Variants in SORBS2 observed in about 807,000 individuals in gnomAD.
SORBS2 encodes the protein sorbin and SH3 domain containing 2, also known as sorbin and SH3 domain-containing protein 2.
A neutral mutation model predicts 97.7 loss-of-function variants in SORBS2; 46 were observed. The observed-to-expected ratio is 0.47, with a 90% CI of 0.37 to 0.60. The LOEUF (loss-of-function observed/expected upper bound fraction) is 0.60, where lower values mean the gene tolerates loss of function less well. Ranked by LOEUF, SORBS2 falls within the 20% of genes least tolerant of loss-of-function variation. The probability of loss-of-function intolerance (pLI) is 0.00; values close to 1 mark genes in which losing one functional copy is unlikely to be tolerated. For synonymous variants in SORBS2, 476 were observed against 473.4 expected (o/e 1.01, Z -0.07); for missense variants, 1,316 against 1,282.3 (o/e 1.03, Z -0.40).
At chr4:185,918,867 G>A (rs144178485) in intron 1 of SORBS2, among the ~76,000 whole-genome samples, 2,878 of 152,222 alleles carry the variant, frequency 0.019, 25 homozygotes, top group South Asian at 0.041. Flanking sequence ...CAGTTTCCAC[G>A]TATGTTCACC....
chr4:185,602,243 T>A (rs1456566086), intron 12 of SORBS2, among the ~76,000 whole-genome samples: 1 of 152,082 alleles, frequency 6.6e-6, no homozygotes, highest in African/African-American at 2.4e-5. Context: ...CTCCTGACCT[T>A]GTGATCCACC....
intron 1 of SORBS2, among the ~76,000 whole-genome samples, chr4:185,792,483 G>A (rs1005907879): frequency 7.9e-5 from 12 of 151,568 alleles, no homozygotes; most frequent in South Asian, 2.1e-4. Context: ...GACAGGGTGC[G>A]ACTCCATCGA....
At chr4:185,706,156 C>T (rs2098338743) in intron 2 of SORBS2, among the ~76,000 whole-genome samples, 1 of 152,146 alleles carries the variant, frequency 6.6e-6, no homozygotes, top group Admixed American at 6.5e-5. Context: ...TCAATCAATT[C>T]TAAATCACCA....
chr4:185,703,230 A>G (rs1412894747), intron 2 of SORBS2, among the ~76,000 whole-genome samples: 1 of 152,334 alleles, frequency 6.6e-6, no homozygotes, highest in African/African-American at 2.4e-5. Flanking sequence ...CCATTTTATA[A>G]ATCTGCACCA....
chr4:185,649,555 A>G lies in SORBS2; in HGVS notation c.193T>C (p.Phe65Leu), dbSNP rs759509078. The change falls in exon 3 of 15, where the codon TTT (phenylalanine) becomes CTT (leucine). Residue 65 changes from phenylalanine to leucine, a missense_variant. Coordinates refer to ENST00000418609, the Ensembl canonical transcript of SORBS2. Reference sequence around the variant, plus strand: ...GGCACTGGGGAGGACGCATCCTTAAAGGCATTGGGGCTGTTGTCGGAGTGG... The same window carrying G: ...GGCACTGGGGAGGACGCATCCTTAAGGGCATTGGGGCTGTTGTCGGAGTGG... The G allele has an allele frequency of 6.2e-6, 10 of 1,606,638 alleles. No homozygotes were observed. The South Asian group carries it at 8.9e-5, about 14-fold the overall frequency.
chr4:185,617,477 C>G (rs1465451989), intron 9 of SORBS2, among the ~76,000 whole-genome samples: 2 of 151,906 alleles, frequency 1.3e-5, no homozygotes, highest in Non-Finnish European at 2.9e-5. Context: ...GTTTCTAGAG[C>G]TATTAACTCA....
At position 185,684,662 on chromosome 4, in the gene SORBS2, A is replaced by G; in HGVS notation, c.-197-5840T>C. ...TTTAAAATGTTTCCTACAAGATCTC[A>G]TTTTCCTTTGCTTTTTACGTTTAGA... On this transcript the variant is annotated intron_variant, in intron 2 of 20. Coordinates refer to the SORBS2 transcript ENST00000284776. This position sits in a 1 kb window ranked among gnomAD's most constrained non-coding sequence, Gnocchi z 4.2. 2 of 948,086 alleles carry G rather than the reference A, an allele frequency of 2.1e-6. No individual in the cohort carries two copies. Among genetic ancestry groups the G allele is most frequent in the South Asian group, 1.6e-5 (1 of 61,686 alleles). 58.7% of individuals were successfully genotyped at this position (948,086 alleles called of 1,614,324 possible).
intron 1 of SORBS2, among the ~76,000 whole-genome samples, chr4:185,815,012 G>A (rs1240859486): frequency 2.6e-5 from 4 of 152,208 alleles, no homozygotes; most frequent in Non-Finnish European, 5.9e-5. Context: ...GATTTTTCCA[G>A]CCCATCTTTC....
chr4:185,928,936 T>C (rs1257232544), intron 1 of SORBS2, among the ~76,000 whole-genome samples: 1 of 152,150 alleles, frequency 6.6e-6, no homozygotes, highest in African/African-American at 2.4e-5. Context: ...TGTGTTGAAA[T>C]AGAGGGCGTA....
rs535209534 is a variant in SORBS2 at position 185,821,470 on chromosome 4, C to T, written c.-337-46104G>A. Among the ~76,000 whole-genome samples, 5 of 152,310 alleles carry T rather than the reference C, an allele frequency of 3.3e-5. No homozygotes were observed. The East Asian group carries it at 5.8e-4, about 18-fold the overall frequency. On this transcript the variant is annotated intron_variant, in intron 1 of 20. Transcript: ENST00000284776. ...ATGGAGTCTCGCTCTGTCTCCTAGG[C>T]TGCAGTGCAGTGGCTCCATCTCAGC...
At chr4:185,639,150 C>T in intron 4 of SORBS2, 115 bp from the exon 14 acceptor site, 2 of 963,332 alleles carry the variant, frequency 2.1e-6, no homozygotes, top group Non-Finnish European at 1.5e-6. Context: ...GAGAGGCCTC[C>T]GGACGGCGAA....
At chr4:185,724,139 A>T (rs775009985) in intron 2 of SORBS2, among the ~76,000 whole-genome samples, 5 of 152,196 alleles carry the variant, frequency 3.3e-5, no homozygotes, top group Non-Finnish European at 7.3e-5. Context: ...CAATAAAAGA[A>T]GCTTAGTATG....
chr4:185,803,148 T>C lies in SORBS2; in HGVS notation c.-337-27782A>G, dbSNP rs79518156. On this transcript the variant is annotated intron_variant, in intron 1 of 20. Coordinates refer to the SORBS2 transcript ENST00000284776. ...CTCCTCTCAGGCCTTTTCTGCACCA[T>C]GCAAACCCAGCACCTCTTCTCACAG... Among the ~76,000 whole-genome samples, 1,480 of 152,246 alleles carry C rather than the reference T, an allele frequency of 9.7e-3. 9 individuals are homozygous for C. The highest frequency in any genetic ancestry group is 0.016 in the Non-Finnish European group (1,077 of 68,022).
intron 1 of SORBS2, among the ~76,000 whole-genome samples, chr4:185,785,629 C>G (rs2099052726): frequency 6.6e-6 from 1 of 152,150 alleles, no homozygotes. Context: ...AGTTCTCTTA[C>G]CCACCAAATA....
At chr4:185,795,217 T>C (rs1184492665) in intron 1 of SORBS2, among the ~76,000 whole-genome samples, 2 of 152,202 alleles carry the variant, frequency 1.3e-5, no homozygotes, top group African/African-American at 4.8e-5. Flanking sequence ...TAGCAGATTC[T>C]TGTTGGGTAA....
At chr4:185,923,053 G>A (rs2099261683) in intron 1 of SORBS2, among the ~76,000 whole-genome samples, 1 of 152,194 alleles carries the variant, frequency 6.6e-6, no homozygotes, top group South Asian at 2.1e-4. Context: ...TGTAGAATGG[G>A]AAGAATACTG....
intron 2 of SORBS2, among the ~76,000 whole-genome samples, chr4:185,698,644 C>T (rs1000067096): frequency 6.6e-5 from 10 of 152,078 alleles, no homozygotes; most frequent in African/African-American, 1.4e-4. Flanking sequence ...TATGAGAAGA[C>T]GGTGTGGTAG....
chr4:185,785,377 T>C (rs551469940), intron 1 of SORBS2, among the ~76,000 whole-genome samples: 1 of 152,332 alleles, frequency 6.6e-6, no homozygotes, highest in South Asian at 2.1e-4. Context: ...TGAAAATTGT[T>C]CTAAGCGTTC....
At chr4:185,834,824 T>C (rs2099207109) in intron 1 of SORBS2, among the ~76,000 whole-genome samples, 1 of 152,190 alleles carries the variant, frequency 6.6e-6, no homozygotes, top group East Asian at 1.9e-4. Context: ...ATTCCAAAGA[T>C]GTTTATAAGT....
Sources: allele counts gnomAD v4.1 joint callset (sites outside exome capture counted in the v4.1 genomes callset), GRCh38; gene constraint gnomAD v4.1.1; non-coding constraint Gnocchi (gnomAD v3.1); transcripts MANE v1.5; gene names NCBI Gene and HGNC (gene_info 2026-07-23, HGNC 2026-07-21).